MASTL: variants seen among roughly 807,000 people sequenced by gnomAD.
MASTL encodes the protein serine/threonine-protein kinase greatwall.
MASTL carries 54 observed loss-of-function variants against 82.5 expected under a neutral mutation model. The observed-to-expected ratio is 0.65, with a 90% CI of 0.53 to 0.82. The LOEUF (loss-of-function observed/expected upper bound fraction) is 0.82, where lower values mean the gene tolerates loss of function less well. MASTL is among the 40% of genes least tolerant of loss of function. MASTL has a pLI of 0.00. For missense variants in MASTL, 950 were observed against 1,047.8 expected, an observed-to-expected ratio of 0.91 and a Z score of 1.29; for synonymous variants, 323 against 368.9, an observed-to-expected ratio of 0.88 and a Z score of 1.43.
At chr10:27,160,759 A>G (rs1283425556) in intron 3 of MASTL, among the ~76,000 whole-genome samples, 1 of 144,594 alleles carries the variant, frequency 6.9e-6, no homozygotes, top group Non-Finnish European at 1.6e-5. Flanking sequence ...CTCAAAAAAA[A>G]AAAGAAAAGA....
chr10:27,165,016 G>T, intron 4 of MASTL, 48 bp from the exon 5 acceptor site: 1 of 1,140,830 alleles, frequency 8.8e-7, no homozygotes, highest in East Asian at 2.4e-5. Flanking sequence ...TAGTCAATGG[G>T]AGGTAAAGGT....
At chr10:27,169,801 G>A (rs2057861090) in intron 7 of MASTL, 143 bp from the exon 8 acceptor site, 12 of 720,496 alleles carry the variant, frequency 1.7e-5, no homozygotes, top group Middle Eastern at 3.8e-4. Flanking sequence ...TTAATTCTCT[G>A]TTGTTTATTT....
intron 9 of MASTL, chr10:27,177,780 C>A: frequency 1.1e-6 from 1 of 935,412 alleles, no homozygotes; most frequent in Non-Finnish European, 1.3e-6. Context: ...GTGTACCTAA[C>A]TACTGTTTTC....
intron 11 of MASTL, among the ~76,000 whole-genome samples, chr10:27,184,424 C>A (rs1184689962): frequency 6.6e-6 from 1 of 152,048 alleles, no homozygotes; most frequent in Non-Finnish European, 1.5e-5. Context: ...CACGTTTCAA[C>A]TTCTGATGCT....
intron 8 of MASTL, among the ~76,000 whole-genome samples, chr10:27,171,821 G>GTTTATTTTT (rs1176510939): frequency 9.8e-5 from 7 of 71,232 alleles, no homozygotes; most frequent in South Asian, 4.1e-4. Flanking sequence ...TGAAAAATAT[G>GTTTATTTTT]TTTCTTTTTT....
In MASTL at chr10:27,170,745, G is replaced by T; in HGVS notation, c.1786G>T (p.Glu596Ter). The part of the protein sequence containing the change: ...QPLDSDRSIK[E>*]SSFEESNIED... ...CTTAGATTCAGATAGAAGCATCAAA[G>T]AATCCTCTTTTGAAGAATCAAATAT... The change falls in exon 8 of 12, where the codon GAA (glutamate) becomes TAA (stop). Residue 596 changes from glutamate (E) to a stop codon, truncating the protein, a stop_gained. Transcript: ENST00000375940. LOFTEE classifies it high-confidence loss of function. 1 of 1,613,756 alleles carries T rather than the reference G, an allele frequency of 6.2e-7. No homozygotes were observed. Among genetic ancestry groups the T allele is most frequent in the Non-Finnish European group, 8.5e-7 (1 of 1,179,808 alleles).
At chr10:27,162,896 T>C (rs1202308266) in intron 4 of MASTL, among the ~76,000 whole-genome samples, 1 of 152,072 alleles carries the variant, frequency 6.6e-6, no homozygotes, top group East Asian at 1.9e-4. Context: ...TATGCTGATG[T>C]AGGGGTATTT....
intron 4 of MASTL, among the ~76,000 whole-genome samples, 192 bp from the exon 5 acceptor site, chr10:27,164,872 A>C (rs2057691147): frequency 6.6e-6 from 1 of 151,952 alleles, no homozygotes; most frequent in African/African-American, 2.4e-5. Context: ...TCCTGACCTC[A>C]AGTGATCCAT....
intron 11 of MASTL, among the ~76,000 whole-genome samples, chr10:27,185,522 A>C (rs2058652037): frequency 6.6e-6 from 1 of 150,660 alleles, no homozygotes; most frequent in Non-Finnish European, 1.5e-5. Context: ...AATCCCAGCT[A>C]CTCAGGAGGA....
intron 7 of MASTL, among the ~76,000 whole-genome samples, chr10:27,167,995 G>A (rs12265358): frequency 0.6 from 91,763 of 152,040 alleles, 27,972 homozygotes; most frequent in Non-Finnish European, 0.65. Flanking sequence ...AAAGGTGGTA[G>A]GAACTAAAAT....
intron 9 of MASTL, among the ~76,000 whole-genome samples, chr10:27,180,600 T>A (rs1362684400): frequency 6.6e-6 from 1 of 152,142 alleles, no homozygotes; most frequent in Non-Finnish European, 1.5e-5. Flanking sequence ...CCATGTTGGC[T>A]GGGCTGGTCT....
At chr10:27,160,521 C>T (rs918847129) in intron 3 of MASTL, among the ~76,000 whole-genome samples, 12 of 151,844 alleles carry the variant, frequency 7.9e-5, no homozygotes, top group African/African-American at 2.7e-4. Context: ...GAGGCTGAGG[C>T]GGGCGGATCA....
intron 11 of MASTL, among the ~76,000 whole-genome samples, chr10:27,186,156 A>G (rs559817417): frequency 6.6e-5 from 10 of 152,358 alleles, no homozygotes; most frequent in Non-Finnish European, 1.2e-4. Flanking sequence ...CATTAAACAA[A>G]TACAAACCAG....
Position 27,165,407 on chromosome 10 carries a change from A to G in MASTL, c.679A>G (p.Lys227Glu), listed in dbSNP as rs1697407279. The part of the protein sequence containing the change: ...SLGFNTPIAE[K>E]NQDPANILSA... Reference sequence around the variant, plus strand: ...TTAATAGAACACACCAATTGCAGAAAAAAATCAAGACCCTGCAAACATCCT... The same window carrying G: ...TTAATAGAACACACCAATTGCAGAAGAAAATCAAGACCCTGCAAACATCCT... The change falls in exon 6 of 12, where the codon AAA becomes GAA. Residue 227 changes from lysine to glutamate, a missense_variant. Coordinates refer to ENST00000375940, the MANE Select transcript of MASTL (RefSeq NM_001172303.3). 6.2e-7 allele frequency: 1 copy of G among 1,614,076 alleles called. No homozygotes were observed. Among genetic ancestry groups the G allele is most frequent in the African/African-American group, 1.3e-5 (1 of 74,932 alleles).
In MASTL at chr10:27,185,358, C is replaced by T. The variant is rs894294205; in HGVS notation, c.2483-1021C>T. 5.3e-5 allele frequency among the ~76,000 whole-genome samples: 8 copies of T among 152,034 alleles called. No homozygotes were observed. The South Asian group carries it at 1.5e-3, about 28-fold the overall frequency. ...TTTAACAAGATGCAGGCAGGGTGGG[C>T]GCGGTGGCTCACACCTATAATCCCA... On this transcript the variant is annotated intron_variant, in intron 11 of 11. Coordinates refer to ENST00000375940, the MANE Select transcript of MASTL (RefSeq NM_001172303.3).
At chr10:27,177,691 G>A in intron 9 of MASTL, 1 of 197,116 alleles carries the variant, frequency 5.1e-6, no homozygotes, top group Non-Finnish European at 9.1e-6. Flanking sequence ...AATCGTCTTT[G>A]TATCCTTTAT....
intron 7 of MASTL, among the ~76,000 whole-genome samples, chr10:27,169,032 TG>T: frequency 6.6e-6 from 1 of 152,148 alleles, no homozygotes. Context: ...CACAGATAGT[TG>T]GAATTCAGAA....
intron 9 of MASTL, among the ~76,000 whole-genome samples, chr10:27,178,615 T>TTA (rs1193818011): frequency 6.6e-6 from 1 of 151,872 alleles, no homozygotes; most frequent in Non-Finnish European, 1.5e-5. Flanking sequence ...TATGTGATCT[T>TTA]ATTAGACTTT....
Position 27,170,088 on chromosome 10 carries a change from G to C in MASTL, c.1129G>C (p.Ala377Pro). 1 of 1,614,182 alleles carries C rather than the reference G, an allele frequency of 6.2e-7. No individual in the cohort carries two copies. Among genetic ancestry groups the C allele is most frequent in the South Asian group, 1.1e-5 (1 of 91,090 alleles). The change falls in exon 8 of 12, where the codon GCC becomes CCC. Residue 377 changes from alanine to proline, a missense_variant. Ala to Pro is a conservative substitution (Grantham distance 27). Transcript: ENST00000375940. ...TCTTTCTCCCATTCATAACAGCAGT[G>C]CCCTTCCCACCACTGGACGCTCTTG... Reference protein sequence around the residue: ...LALSPIHNSSALPTTGRSCVN... With the variant: ...LALSPIHNSSPLPTTGRSCVN...
Sources: gnomAD v4.1 joint callset for allele counts (sites outside exome capture counted in the v4.1 genomes callset) on GRCh38, gnomAD v4.1.1 for gene constraint, MANE v1.5 for transcripts, NCBI Gene and HGNC (gene_info 2026-07-23, HGNC 2026-07-21) for gene names.